MTA3: variants seen among roughly 807,000 people sequenced by gnomAD.
MTA3 encodes metastasis associated 1 family member 3, also known as metastasis-associated protein MTA3.
MTA3 carries 34 observed loss-of-function variants against 83.5 expected under a neutral mutation model. That is an observed-to-expected ratio of 0.41 (90% CI 0.31 to 0.54). The LOEUF (loss-of-function observed/expected upper bound fraction) is 0.54, where lower values mean the gene tolerates loss of function less well. MTA3 is among the 20% of genes least tolerant of loss of function. The probability of loss-of-function intolerance (pLI) is 0.33; values close to 1 mark genes in which losing one functional copy is unlikely to be tolerated. For missense variants in MTA3, 761 were observed against 726.4 expected (o/e 1.05, Z -0.55); for synonymous variants, 303 against 252.7 (o/e 1.20, Z -1.89).
At chr2:42,676,822 T>C (rs1160016344) in intron 8 of MTA3, among the ~76,000 whole-genome samples, 4 of 152,198 alleles carry the variant, frequency 2.6e-5, no homozygotes, top group Non-Finnish European at 4.4e-5. Flanking sequence ...TTGAGTATCT[T>C]TTAATCTTTT....
intron 2 of MTA3, among the ~76,000 whole-genome samples, chr2:42,552,022 G>A (rs1341831670): frequency 6.6e-6 from 1 of 152,060 alleles, no homozygotes. Context: ...CACCGTGCCT[G>A]GCCTGTTTGT....
intron 13 of MTA3, among the ~76,000 whole-genome samples, 182 bp from the exon 14 acceptor site, chr2:42,708,691 TC>T (rs931047803): frequency 1.3e-5 from 2 of 152,166 alleles, no homozygotes; most frequent in Non-Finnish European, 2.9e-5. Context: ...CCTTCTCTAC[TC>T]CCCACCTCTT....
At position 42,671,769 on chromosome 2, in the gene MTA3, C is replaced by T. The variant is rs376373775; in HGVS notation, c.703-10632C>T. ...AGAATGTGGTCAGAGAACATGTGTG[C>T]TACCAATTGTTTCCATGTCTTGAGA... On this transcript the variant is annotated intron_variant, in intron 8 of 16. Coordinates refer to ENST00000405094, the MANE Select transcript of MTA3 (RefSeq NM_001330442.2). Among the ~76,000 whole-genome samples, 41 of 152,284 alleles carry T rather than the reference C, an allele frequency of 2.7e-4. No homozygotes were observed. In the East Asian group the frequency reaches 3.5e-3, roughly 13 times the overall value.
intron 3 of MTA3, among the ~76,000 whole-genome samples, chr2:42,605,248 C>G: frequency 9.3e-6 from 1 of 107,188 alleles, no homozygotes; most frequent in East Asian, 2.9e-4. Flanking sequence ...GACGGGGCGG[C>G]TGGCCGGGCG....
intron 7 of MTA3, among the ~76,000 whole-genome samples, chr2:42,657,592 T>G (rs1225519198): frequency 1.3e-5 from 2 of 151,788 alleles, no homozygotes; most frequent in Non-Finnish European, 2.9e-5. Context: ...CACCAAGGAG[T>G]TGGTTCCTAG....
Position 42,664,631 on chromosome 2 carries a change from G to A in MTA3, c.702+4769G>A, listed in dbSNP as rs184921612. Among the ~76,000 whole-genome samples the A allele has an allele frequency of 7.9e-5, 12 of 151,890 alleles. No homozygotes were observed. In the East Asian group the frequency reaches 1.5e-3, roughly 20 times the overall value. ...CCAGTAGCTGAGATTACAGGCGTCC[G>A]CCACCACTGCCGACTAATTACGGTC... On this transcript the variant is annotated intron_variant, in intron 8 of 16. Transcript: ENST00000405094.
chr2:42,584,677 G>C (rs1446173088), intron 3 of MTA3, among the ~76,000 whole-genome samples: 1 of 151,940 alleles, frequency 6.6e-6, no homozygotes, highest in African/African-American at 2.4e-5. Context: ...AGCCTGGACA[G>C]CACAGGAATA....
At chr2:42,503,905 C>CCCCATGAA (rs140363718) in intron 2 of MTA3, among the ~76,000 whole-genome samples, 19,790 of 148,536 alleles carry the variant, frequency 0.13, 1,403 homozygotes, top group African/African-American at 0.15. Flanking sequence ...ACCCATCCAA[C>CCCCATGAA]CCCATGAACC....
chr2:42,739,256 C>T (rs942857479), intron 16 of MTA3, among the ~76,000 whole-genome samples: 11 of 151,980 alleles, frequency 7.2e-5, no homozygotes, highest in African/African-American at 2.4e-4. Flanking sequence ...TCAAGCCAGC[C>T]GACACTTAGG....
chr2:42,579,976 CTG>C (rs1255087907), intron 3 of MTA3, among the ~76,000 whole-genome samples: 2 of 151,686 alleles, frequency 1.3e-5, no homozygotes, highest in African/African-American at 4.8e-5. Flanking sequence ...AGGTCTTGCT[CTG>C]TTGCCCAGGC....
chr2:42,587,098 C>T (rs557642882), intron 3 of MTA3, among the ~76,000 whole-genome samples: 1 of 152,078 alleles, frequency 6.6e-6, no homozygotes, highest in South Asian at 2.1e-4. Context: ...GAGGCTGAGG[C>T]AGGAGAATAC....
rs148346346 is a variant in MTA3, at chr2:42,695,988, G to C, written c.966+149G>C. 187 of 544,028 alleles carry C rather than the reference G, an allele frequency of 3.4e-4. 1 individual carries two copies. In the East Asian group the frequency reaches 5.7e-3, roughly 17 times the overall value. The allele number at this position is 544,028 out of a possible 1,614,324, so 33.7% of individuals were successfully genotyped here. ...AAACTACATGATTTCATATCTTTAG[G>C]ATATTATTTAAGATTTTAATCTTAA... is the stretch of plus-strand genomic sequence containing the variant. On this transcript the variant is annotated intron_variant, in intron 10 of 16. Coordinates refer to ENST00000405094, the MANE Select transcript of MTA3 (RefSeq NM_001330442.2).
chr2:42,684,943 G>A (rs1692236152), intron 9 of MTA3, among the ~76,000 whole-genome samples: 1 of 152,216 alleles, frequency 6.6e-6, no homozygotes, highest in African/African-American at 2.4e-5. Context: ...ACATGAACAA[G>A]TGTATAGGAA....
intron 6 of MTA3, among the ~76,000 whole-genome samples, chr2:42,648,673 C>T (rs1007940588): frequency 2.6e-5 from 4 of 152,078 alleles, no homozygotes; most frequent in African/African-American, 9.7e-5. Flanking sequence ...GTAAAGGCGT[C>T]TTTTAGATTT....
chr2:42,543,251 C>T (rs1226263890), intron 2 of MTA3, among the ~76,000 whole-genome samples: 1 of 148,854 alleles, frequency 6.7e-6, no homozygotes, highest in Non-Finnish European at 1.5e-5. Context: ...AATCTCAGCT[C>T]ACTGCAAACT....
chr2:42,727,700 T>C (rs1392617105), intron 16 of MTA3, among the ~76,000 whole-genome samples: 2 of 149,092 alleles, frequency 1.3e-5, no homozygotes, highest in African/African-American at 4.9e-5. Context: ...AATCACATGG[T>C]TTTTTTTTTG....
chr2:42,708,340 TCG>T (rs560449736), intron 13 of MTA3, among the ~76,000 whole-genome samples: 94 of 152,346 alleles, frequency 6.2e-4, no homozygotes, highest in African/African-American at 2.2e-3. Context: ...TGAAAACAGT[TCG>T]TAACCTTTAC....
chr2:42,664,466 C>CTTTTTTTTTTTTT lies in MTA3; in HGVS notation c.702+4620_702+4632dup, dbSNP rs35633597. Reference sequence around the variant, plus strand: ...CCTACTACCCCCTCACCCCGCTTACCTTTTTTTTTTTTTTTTTTTTTTTTT... The same window carrying CTTTTTTTTTTTTT: ...CCTACTACCCCCTCACCCCGCTTACCTTTTTTTTTTTTTTTTTTTTTTTTTTTTTTTTTTTTTT... On this transcript the variant is annotated intron_variant, in intron 8 of 16. Coordinates refer to ENST00000405094, the MANE Select transcript of MTA3 (RefSeq NM_001330442.2). Among the ~76,000 whole-genome samples, 8 of 85,758 alleles carry CTTTTTTTTTTTTT rather than the reference C, an allele frequency of 9.3e-5. 2 individuals are homozygous for CTTTTTTTTTTTTT. Among genetic ancestry groups the CTTTTTTTTTTTTT allele is most frequent in the African/African-American group, 3.3e-4 (7 of 21,052 alleles). The allele number at this position is 85,758 out of a possible 152,430, so 56.3% of individuals were successfully genotyped here.
At chr2:42,638,417 C>A (rs929283569) in intron 4 of MTA3, among the ~76,000 whole-genome samples, 1 of 151,520 alleles carries the variant, frequency 6.6e-6, no homozygotes, top group Non-Finnish European at 1.5e-5. Context: ...GAGACAGGGT[C>A]TTGCTCTTTT....
Sources: allele counts gnomAD v4.1 joint callset (sites outside exome capture counted in the v4.1 genomes callset), GRCh38; gene constraint gnomAD v4.1.1; transcripts MANE v1.5; gene names NCBI Gene and HGNC (gene_info 2026-07-23, HGNC 2026-07-21).